Variants in TET1 observed in about 807,000 individuals in gnomAD.
TET1 encodes the protein methylcytosine dioxygenase TET1.
A neutral mutation model predicts 148.7 loss-of-function variants in TET1; 13 were observed. The ratio of observed to expected loss-of-function variants is 0.09; its 90% CI spans 0.06 to 0.14. The LOEUF is 0.14. TET1 is among the 10% of genes least tolerant of loss of function. The probability of loss-of-function intolerance (pLI) is 1.00; values close to 1 mark genes in which losing one functional copy is unlikely to be tolerated. For missense variants in TET1, 2,182 were observed against 2,553.8 expected (o/e 0.85, Z 3.14); for synonymous variants, 907 against 937.2 (o/e 0.97, Z 0.59).
intron 2 of TET1, among the ~76,000 whole-genome samples, chr10:68,581,899 T>C (rs149641583): frequency 6.6e-6 from 1 of 152,166 alleles, no homozygotes; most frequent in East Asian, 1.9e-4. Flanking sequence ...AGGGTCTTCA[T>C]ATATCTCTAG....
chr10:68,624,099 C>CTTTTTTTTTTTT (rs773374173), intron 3 of TET1, among the ~76,000 whole-genome samples: 9 of 148,134 alleles, frequency 6.1e-5, no homozygotes, highest in South Asian at 2.1e-4. Context: ...TTCTTTCTTT[C>CTTTTTTTTTTTT]TTTTCTTTTT....
intron 10 of TET1, among the ~76,000 whole-genome samples, chr10:68,685,408 A>G (rs2055495903): frequency 6.6e-6 from 1 of 152,114 alleles, no homozygotes; most frequent in Admixed American, 6.5e-5. Flanking sequence ...ATATGTTTTT[A>G]TTATTAAATA....
intron 9 of TET1, among the ~76,000 whole-genome samples, chr10:68,681,910 T>C (rs866968924): frequency 6.7e-6 from 1 of 150,138 alleles, no homozygotes; most frequent in Non-Finnish European, 1.5e-5. Context: ...GGAGGTTGCA[T>C]TGAGCTGAGA....
intron 5 of TET1, 134 bp downstream of exon 5, chr10:68,652,070 A>T: frequency 1.2e-6 from 1 of 807,008 alleles, no homozygotes; most frequent in Non-Finnish European, 1.9e-6. Flanking sequence ...TTAGGGCCCA[A>T]CAAAAGAGGG....
At chr10:68,560,901 C>T (rs1350170739) in intron 1 of TET1, among the ~76,000 whole-genome samples, 159 bp downstream of exon 1, 4 of 152,124 alleles carry the variant, frequency 2.6e-5, no homozygotes, top group Non-Finnish European at 5.9e-5. Flanking sequence ...GCTCGTTCCC[C>T]GCCTCGACCC....
chr10:68,690,739 T>C (rs1047924740), intron 11 of TET1, 69 bp from the exon 12 acceptor site: 2 of 1,457,104 alleles, frequency 1.4e-6, no homozygotes, highest in Non-Finnish European at 1.8e-6. Context: ...TCTTTGAAAA[T>C]ACTTTTTAAA....
At chr10:68,577,021 G>T (rs2053739593) in intron 2 of TET1, among the ~76,000 whole-genome samples, 1 of 151,950 alleles carries the variant, frequency 6.6e-6, no homozygotes, top group Non-Finnish European at 1.5e-5. Flanking sequence ...CCATTCTCCT[G>T]CCTCAGCCTC....
intron 2 of TET1, among the ~76,000 whole-genome samples, chr10:68,578,904 C>A (rs569183977): frequency 1.8e-4 from 28 of 152,166 alleles, no homozygotes; most frequent in Admixed American, 8.5e-4. Context: ...GTGGTCCCAG[C>A]TACTTGGGAT....
chr10:68,581,456 G>A (rs1970517), intron 2 of TET1, among the ~76,000 whole-genome samples: 23,441 of 152,124 alleles, frequency 0.15, 1,978 homozygotes, highest in South Asian at 0.24. Flanking sequence ...AAAGGAACGG[G>A]GGACTGTAGA....
At chr10:68,640,898 T>G (rs2054743366) in intron 3 of TET1, among the ~76,000 whole-genome samples, 1 of 151,858 alleles carries the variant, frequency 6.6e-6, no homozygotes, top group Non-Finnish European at 1.5e-5. Context: ...ACATGTAATA[T>G]TTATACAATA....
At chr10:68,649,697 AG>A (rs369826092) in intron 4 of TET1, among the ~76,000 whole-genome samples, 165 of 152,232 alleles carry the variant, frequency 1.1e-3, no homozygotes, top group Middle Eastern at 3.4e-3. Context: ...GTGCCTTTAA[AG>A]TTTATATACC....
chr10:68,562,167 A>T (rs2053562083), intron 1 of TET1, among the ~76,000 whole-genome samples: 1 of 152,274 alleles, frequency 6.6e-6, no homozygotes, highest in Non-Finnish European at 1.5e-5. Context: ...GTATAGCAGC[A>T]GCCCCAGGTC....
At chr10:68,672,510 A>AAAAAAAAAAC (rs1564504100) in intron 7 of TET1, among the ~76,000 whole-genome samples, 3 of 144,562 alleles carry the variant, frequency 2.1e-5, no homozygotes, top group African/African-American at 7.9e-5. Context: ...AAAAAAAAAA[A>AAAAAAAAAAC]ACACCAAAAA....
intron 6 of TET1, among the ~76,000 whole-genome samples, chr10:68,662,279 G>C (rs1341212266): frequency 6.6e-6 from 1 of 152,018 alleles, no homozygotes; most frequent in Non-Finnish European, 1.5e-5. Flanking sequence ...AAATTACTGA[G>C]ATTACAGGCA....
intron 2 of TET1, among the ~76,000 whole-genome samples, chr10:68,596,017 C>CATATATATATATATAT (rs1401841209): frequency 9.2e-6 from 1 of 108,560 alleles, no homozygotes; most frequent in African/African-American, 4.0e-5. Context: ...CACACACACA[C>CATATATATATATATAT]ACACACACAC....
At chr10:68,564,012 A>G (rs1316746494) in intron 1 of TET1, among the ~76,000 whole-genome samples, 1 of 152,170 alleles carries the variant, frequency 6.6e-6, no homozygotes, top group Non-Finnish European at 1.5e-5. Flanking sequence ...ACACTTTAAG[A>G]AGCCAGCTTT....
chr10:68,664,594 C>T (rs2055169523), intron 6 of TET1, among the ~76,000 whole-genome samples: 1 of 150,178 alleles, frequency 6.7e-6, no homozygotes, highest in Non-Finnish European at 1.5e-5. Context: ...CACCATGTTG[C>T]CCAAGCTGGT....
chr10:68,644,185 G>A (rs1321164499), intron 3 of TET1, among the ~76,000 whole-genome samples: 1 of 150,698 alleles, frequency 6.6e-6, no homozygotes, highest in Non-Finnish European at 1.5e-5. Context: ...TTACAGGCAT[G>A]AGCCACCACC....
At chr10:68,668,432 A>C (rs2055224076) in intron 7 of TET1, among the ~76,000 whole-genome samples, 1 of 152,262 alleles carries the variant, frequency 6.6e-6, no homozygotes, top group South Asian at 2.1e-4. Flanking sequence ...AGGTGGTTTC[A>C]CTTATAATCA....
Sources: gnomAD v4.1 joint callset for allele counts (sites outside exome capture counted in the v4.1 genomes callset) on GRCh38, gnomAD v4.1.1 for gene constraint, MANE v1.5 for transcripts, NCBI Gene and HGNC (gene_info 2026-07-23, HGNC 2026-07-21) for gene names.